MEIG1: variants seen among roughly 807,000 people sequenced by gnomAD.
MEIG1 encodes the protein meiosis/spermiogenesis associated 1, also known as meiosis expressed gene 1 protein homolog.
Under a neutral mutation model 11.3 loss-of-function variants are expected in MEIG1, and 12 were observed. The observed-to-expected ratio is 1.07, with a 90% CI of 0.68 to 1.73. MEIG1 has a LOEUF of 1.73. Ranked by LOEUF, MEIG1 falls within the 40% of genes most tolerant of loss-of-function variation. The pLI, the probability that MEIG1 is intolerant of heterozygous loss-of-function variation, is 0.00. For missense variants in MEIG1, 119 were observed against 104.9 expected (o/e 1.13, Z -0.59); for synonymous variants, 41 against 33.2 (o/e 1.24, Z -0.81).
chr10:14,956,039 T>C (rs1240803036), upstream of MEIG1, among the ~76,000 whole-genome samples: 1 of 152,208 alleles, frequency 6.6e-6, no homozygotes, highest in African/African-American at 2.4e-5. Context: ...GCTCGTGATC[T>C]TATGTATTTG....
chr10:14,966,084 G>A (rs1173276329), intron 1 of MEIG1, among the ~76,000 whole-genome samples: 5 of 19,994 alleles, frequency 2.5e-4, no homozygotes, highest in South Asian at 2.9e-3. Flanking sequence ...TTTTTTTTGA[G>A]ATGGAGTCTT....
At chr10:14,958,348 T>A (rs1453876142), upstream of MEIG1, among the ~76,000 whole-genome samples, 2 of 152,250 alleles carry the variant, frequency 1.3e-5, no homozygotes, top group East Asian at 3.8e-4. Context: ...TGTTTTAGTA[T>A]GACTCGTTTA....
At chr10:14,985,576 A>C (rs1239601721) in intron 1 of MEIG1, among the ~76,000 whole-genome samples, 1 of 152,004 alleles carries the variant, frequency 6.6e-6, no homozygotes, top group Admixed American at 6.6e-5. Flanking sequence ...GATCTCCCTA[A>C]TGTCACACGG....
chr10:14,986,928 G>A (rs1417656115), exon 2 of MEIG1: 3 of 634,300 alleles, frequency 4.7e-6, no homozygotes, highest in Non-Finnish European at 7.8e-6. Context: ...CATTCTTGAT[G>A]ATGGTGAATT....
chr10:14,975,764 G>A (rs1187105590), downstream of MEIG1, among the ~76,000 whole-genome samples: 2 of 152,088 alleles, frequency 1.3e-5, no homozygotes, highest in Non-Finnish European at 2.9e-5. Flanking sequence ...GGAGAGAAGA[G>A]GATGATGTTA....
intron 1 of MEIG1, among the ~76,000 whole-genome samples, chr10:14,979,851 T>C (rs1413601127): frequency 6.6e-6 from 1 of 152,028 alleles, no homozygotes; most frequent in African/African-American, 2.4e-5. Context: ...AATATCGCAG[T>C]GGGTGTACAC....
chr10:14,974,740 T>C (rs11818214), downstream of MEIG1, among the ~76,000 whole-genome samples: 1,142 of 152,252 alleles, frequency 7.5e-3, 21 homozygotes, highest in African/African-American at 0.026. Flanking sequence ...TTAATATTAA[T>C]GATTAATGAC....
chr10:14,976,413 C>T (rs1323799256), downstream of MEIG1, among the ~76,000 whole-genome samples: 1 of 152,074 alleles, frequency 6.6e-6, no homozygotes, highest in African/African-American at 2.4e-5. Context: ...TGGTGTTATT[C>T]TTATTCTCCT....
At chr10:14,955,238 C>G (rs1263819364), upstream of MEIG1, among the ~76,000 whole-genome samples, 1 of 152,232 alleles carries the variant, frequency 6.6e-6, no homozygotes, top group East Asian at 1.9e-4. Flanking sequence ...GCCTCCATAA[C>G]ACTTGAAGTC....
upstream of MEIG1, chr10:14,954,403 A>G: frequency 3.0e-6 from 1 of 335,458 alleles, no homozygotes; most frequent in Non-Finnish European, 5.8e-6. Flanking sequence ...TGGGCTGCGG[A>G]ACTGCGCTTA....
At chr10:14,983,744 T>A (rs1843287977) in intron 1 of MEIG1, among the ~76,000 whole-genome samples, 1 of 151,994 alleles carries the variant, frequency 6.6e-6, no homozygotes, top group Admixed American at 6.6e-5. Context: ...AGGATAATAT[T>A]CTTCTTAATA....
chr10:14,955,897 G>A (rs1252741702), upstream of MEIG1, among the ~76,000 whole-genome samples: 2 of 152,164 alleles, frequency 1.3e-5, no homozygotes, highest in Non-Finnish European at 1.5e-5. Context: ...CAACACCTTT[G>A]ATGGTTTGTC....
chr10:14,966,066 C>CTTTTTTTTTTTTTTT (rs10673663), intron 1 of MEIG1, among the ~76,000 whole-genome samples: 5 of 118,704 alleles, frequency 4.2e-5, no homozygotes, highest in Non-Finnish European at 5.0e-5. Context: ...TTTATTTATT[C>CTTTTTTTTTTTTTTT]TTTTTTTTTT....
chr10:14,981,207 C>A (rs1480931475), intron 1 of MEIG1, among the ~76,000 whole-genome samples: 1 of 148,792 alleles, frequency 6.7e-6, no homozygotes, highest in African/African-American at 2.6e-5. Flanking sequence ...CTCTTGGCCA[C>A]CGCTTAGCCA....
downstream of MEIG1, among the ~76,000 whole-genome samples, chr10:14,975,585 A>AT (rs1332070410): frequency 1.3e-5 from 2 of 152,072 alleles, no homozygotes. Flanking sequence ...ACTCTGTGAT[A>AT]TTTTTTGTAA....
At chr10:14,959,999 C>T (rs376687651) in intron 1 of MEIG1, among the ~76,000 whole-genome samples, 2 of 152,254 alleles carry the variant, frequency 1.3e-5, no homozygotes, top group East Asian at 3.8e-4. Context: ...CGGTTTTGTG[C>T]TGCACACAGG....
intron 1 of MEIG1, among the ~76,000 whole-genome samples, chr10:14,962,040 G>T (rs7097117): frequency 0.82 from 123,918 of 152,024 alleles, 51,100 homozygotes; most frequent in African/African-American, 0.94. Context: ...CGGACTCAAA[G>T]GATCCTCCCT....
intron 2 of MEIG1, among the ~76,000 whole-genome samples, chr10:14,971,542 CAA>C (rs5783426): frequency 6.7e-5 from 10 of 148,718 alleles, no homozygotes; most frequent in South Asian, 2.1e-4. Flanking sequence ...GACCCTGTTT[CAA>C]AAAAAAAAAT....
chr10:14,957,074 C>T (rs1056268418), upstream of MEIG1, among the ~76,000 whole-genome samples: 6 of 152,160 alleles, frequency 3.9e-5, no homozygotes, highest in Non-Finnish European at 8.8e-5. Context: ...ACTAAAAAAG[C>T]AGACAAAAAT....
Sources: allele counts gnomAD v4.1 joint callset (sites outside exome capture counted in the v4.1 genomes callset), GRCh38; gene constraint gnomAD v4.1.1; transcripts MANE v1.5; gene names NCBI Gene and HGNC (gene_info 2026-07-23, HGNC 2026-07-21).